Variants in SGCE observed in about 807,000 individuals in gnomAD.
SGCE encodes the protein sarcoglycan epsilon.
A neutral mutation model predicts 57.8 loss-of-function variants in SGCE; 26 were observed. That is an observed-to-expected ratio of 0.45 (90% CI 0.33 to 0.62). SGCE has a LOEUF of 0.62. Among genes scored for constraint, SGCE ranks in the 20% least tolerant of loss-of-function variants. The probability of loss-of-function intolerance (pLI) is 0.02; values close to 1 mark genes in which losing one functional copy is unlikely to be tolerated. For synonymous variants in SGCE, 183 were observed against 189.5 expected (o/e 0.97, Z 0.28); for missense variants, 468 against 548.6 (o/e 0.85, Z 1.47).
intron 1 of SGCE, among the ~76,000 whole-genome samples, chr7:94,639,645 C>T (rs1273463453): frequency 1.3e-5 from 2 of 152,148 alleles, no homozygotes; most frequent in Non-Finnish European, 2.9e-5. Flanking sequence ...AGGCATAGTT[C>T]CTGCCCCTGA....
intron 6 of SGCE, 131 bp from the exon 7 acceptor site, chr7:94,600,988 C>G: frequency 1.3e-6 from 1 of 763,068 alleles, no homozygotes; most frequent in Non-Finnish European, 2.2e-6. Flanking sequence ...ACTTTATCAC[C>G]TCTTGAATTT....
intron 1 of SGCE, among the ~76,000 whole-genome samples, chr7:94,647,962 A>T (rs1180213790): frequency 6.6e-6 from 1 of 152,142 alleles, no homozygotes; most frequent in Non-Finnish European, 1.5e-5. Context: ...CTTGAAAAAA[A>T]CCCTGTTCTT....
In SGCE at chr7:94,656,131, C is replaced by T. The variant is rs760407098; in HGVS notation, c.-33G>A. ...CTGGCTAGGCCGTCCGTCCTCGATT[C>T]TCCCCTCCCCTCCCTTTCTTCTTCC... On this transcript the variant is annotated 5_prime_UTR_variant, in exon 1 of 11. Coordinates refer to ENST00000648936, the MANE Select transcript of SGCE (RefSeq NM_003919.3). 1.1e-5 allele frequency: 13 copies of T among 1,202,352 alleles called. No individual in the cohort carries two copies. Among genetic ancestry groups the T allele is most frequent in the Non-Finnish European group, 1.6e-5 (13 of 806,638 alleles). 74.5% of individuals were successfully genotyped at this position (1,202,352 alleles called of 1,614,324 possible).
intron 5 of SGCE, among the ~76,000 whole-genome samples, chr7:94,606,520 C>A (rs1018414003): frequency 6.6e-6 from 1 of 152,128 alleles, no homozygotes; most frequent in Non-Finnish European, 1.5e-5. Flanking sequence ...GATGAATCCA[C>A]TATTATAGCT....
chr7:94,654,506 T>G (rs763558644), intron 1 of SGCE, among the ~76,000 whole-genome samples: 11 of 152,208 alleles, frequency 7.2e-5, no homozygotes, highest in Non-Finnish European at 4.4e-5. Flanking sequence ...CAGAAGAGGG[T>G]GAACATCCTA....
intron 10 of SGCE, chr7:94,587,293 A>G (rs1272732769): frequency 2.0e-6 from 2 of 990,974 alleles, no homozygotes; most frequent in Non-Finnish European, 2.4e-6. Flanking sequence ...CATCTACTCA[A>G]GTTTCCTAAT....
At chr7:94,626,597 T>C (rs758728121) in intron 3 of SGCE, 24 of 152,020 alleles carry the variant, frequency 1.6e-4, no homozygotes, top group Non-Finnish European at 3.1e-4. Flanking sequence ...TGCTAGCCTT[T>C]CTTAAGATTC....
At position 94,596,994 on chromosome 7, in the gene SGCE, T is replaced by G. The variant is rs150580401; in HGVS notation, c.1253+1781A>C. Among the ~76,000 whole-genome samples the G allele has an allele frequency of 3.1e-3, 477 of 152,264 alleles. 3 individuals carry two copies. The highest frequency in any genetic ancestry group is 0.01 in the African/African-American group (429 of 41,544). ...AAAAAGGGATAAGAGGTTGTTAAAT[T>G]CTGAATTATTACAATATTCTTGAAA... On this transcript the variant is annotated intron_variant, in intron 9 of 10. Transcript: ENST00000648936.
At chr7:94,588,129 A>C (rs1315381465) in intron 10 of SGCE, 42 of 1,152,288 alleles carry the variant, frequency 3.6e-5, no homozygotes, top group Non-Finnish European at 4.2e-5. Flanking sequence ...ATTTTTAGGG[A>C]CACTTGAAAG....
At chr7:94,624,302 T>C (rs1013563300) in intron 3 of SGCE, 229 of 398,012 alleles carry the variant, frequency 5.8e-4, no homozygotes, top group Non-Finnish European at 7.0e-4. Context: ...AAATATCTTG[T>C]GCATTTTAAA....
At chr7:94,588,562 A>G in intron 10 of SGCE, 127 bp downstream of exon 10, 3 of 1,523,468 alleles carry the variant, frequency 2.0e-6, no homozygotes, top group Non-Finnish European at 2.6e-6. Flanking sequence ...AAGTCTGATT[A>G]AGGAATGACA....
chr7:94,654,398 C>T (rs1808299414), intron 1 of SGCE, among the ~76,000 whole-genome samples: 1 of 151,986 alleles, frequency 6.6e-6, no homozygotes, highest in South Asian at 2.1e-4. Context: ...AAGTAACTTT[C>T]GAATTTAAAC....
At chr7:94,632,019 A>C (rs2116990789) in intron 1 of SGCE, among the ~76,000 whole-genome samples, 1 of 152,186 alleles carries the variant, frequency 6.6e-6, no homozygotes, top group Admixed American at 6.6e-5. Flanking sequence ...GGAATGGATG[A>C]GTACATTCTA....
chr7:94,652,160 A>G (rs1807987616), intron 1 of SGCE, among the ~76,000 whole-genome samples: 1 of 152,112 alleles, frequency 6.6e-6, no homozygotes, highest in African/African-American at 2.4e-5. Flanking sequence ...CTGTGAAGCT[A>G]TGGACTAAGC....
chr7:94,623,444 A>G, intron 3 of SGCE, 47 bp from the exon 4 acceptor site: 2 of 1,172,466 alleles, frequency 1.7e-6, no homozygotes, highest in Non-Finnish European at 1.3e-6. Flanking sequence ...TGTTCTTTGT[A>G]AAATGAAATT....
chr7:94,602,229 A>G (rs1484628069), intron 6 of SGCE, among the ~76,000 whole-genome samples: 1 of 152,092 alleles, frequency 6.6e-6, no homozygotes, highest in Non-Finnish European at 1.5e-5. Flanking sequence ...TGATTGAACA[A>G]ATTTTCCTAT....
At chr7:94,610,407 C>G (rs1416541683) in intron 5 of SGCE, among the ~76,000 whole-genome samples, 1 of 152,072 alleles carries the variant, frequency 6.6e-6, no homozygotes, top group African/African-American at 2.4e-5. Flanking sequence ...AACAAATATA[C>G]CACTCTGGTG....
intron 10 of SGCE, chr7:94,587,992 A>C: frequency 7.1e-7 from 1 of 1,410,398 alleles, no homozygotes; most frequent in Non-Finnish European, 9.2e-7. Context: ...TTGCTTTTCC[A>C]AAAGAGCTAC....
At chr7:94,608,540 A>T (rs751436043) in intron 5 of SGCE, among the ~76,000 whole-genome samples, 3 of 152,212 alleles carry the variant, frequency 2.0e-5, no homozygotes, top group Non-Finnish European at 2.9e-5. Context: ...TCATATTCTC[A>T]GCAAGTTAAT....
Sources: gnomAD v4.1 joint callset for allele counts (sites outside exome capture counted in the v4.1 genomes callset) on GRCh38, gnomAD v4.1.1 for gene constraint, MANE v1.5 for transcripts, NCBI Gene and HGNC (gene_info 2026-07-23, HGNC 2026-07-21) for gene names.